The following CHD7 variants were observed in gnomAD, a reference collection of about 807,000 sequenced individuals.
The protein encoded by CHD7 is chromodomain helicase DNA binding protein 7, also known as ATP-dependent chromatin remodeler CHD7.
Under a neutral mutation model 307.3 loss-of-function variants are expected in CHD7, and 24 were observed. That is an observed-to-expected ratio of 0.08 (90% CI 0.06 to 0.11). CHD7 has a LOEUF of 0.11. Among genes scored for constraint, CHD7 ranks in the 10% least tolerant of loss-of-function variants. CHD7 has a pLI of 1.00. For synonymous variants in CHD7, 1,363 were observed against 1,349.9 expected, an observed-to-expected ratio of 1.01 and a Z score of -0.21; for missense variants, 3,106 against 3,727.1, an observed-to-expected ratio of 0.83 and a Z score of 4.34.
At chr8:60,783,582 A>G (rs1476841162) in intron 3 of CHD7, among the ~76,000 whole-genome samples, 1 of 152,190 alleles carries the variant, frequency 6.6e-6, no homozygotes, top group Non-Finnish European at 1.5e-5. Flanking sequence ...TTCTCTGAAA[A>G]AGTGTCTAGT....
rs369015406 is a variant in CHD7 at position 60,764,484 on chromosome 8, G to A, written c.1666-16516G>A. ...TCTTTTTCTGGGTCTCTTTCTAGCAGTACTTTTGTTTGGCAGTGTCTCTGG... is the reference window on the plus strand; with the variant it reads ...TCTTTTTCTGGGTCTCTTTCTAGCAATACTTTTGTTTGGCAGTGTCTCTGG... On this transcript the variant is annotated intron_variant, in intron 2 of 37. Coordinates refer to ENST00000423902, the MANE Select transcript of CHD7 (RefSeq NM_017780.4). Among the ~76,000 whole-genome samples the A allele has an allele frequency of 1.1e-4, 17 of 152,268 alleles. No individual in the cohort carries two copies. In the South Asian group the frequency reaches 3.5e-3, roughly 32 times the overall value.
chr8:60,683,938 T>G (rs1662886550), intron 1 of CHD7, among the ~76,000 whole-genome samples: 1 of 152,056 alleles, frequency 6.6e-6, no homozygotes, highest in Non-Finnish European at 1.5e-5. Flanking sequence ...GATTATCCAT[T>G]TAGGAAAAAT....
At position 60,741,676 on chromosome 8, in the gene CHD7, C is replaced by T. The variant is rs1315959572; in HGVS notation, c.244C>T (p.Leu82=). The T allele has an allele frequency of 1.9e-6, 3 of 1,613,868 alleles. No individual in the cohort carries two copies. Among genetic ancestry groups the T allele is most frequent in the Middle Eastern group, 1.6e-4 (1 of 6,084 alleles). The part of the protein sequence containing the change: ...YNQYEQQKMH[L]MDQPNRMMSN... Reference sequence around the variant, plus strand: ...TCAGTATGAACAACAAAAGATGCATCTGATGGATCAGCCGAACAGAATGAT... The same window carrying T: ...TCAGTATGAACAACAAAAGATGCATTTGATGGATCAGCCGAACAGAATGAT... Residue 82 remains leucine (L), a synonymous_variant, in exon 2 of 38, where the codon CTG becomes TTG. Transcript: ENST00000423902.
intron 15 of CHD7, among the ~76,000 whole-genome samples, chr8:60,833,181 G>C (rs896640182): frequency 2.6e-5 from 4 of 152,156 alleles, no homozygotes; most frequent in Non-Finnish European, 5.9e-5. Flanking sequence ...AATTGGTTGT[G>C]GCAGAGTAAA....
intron 1 of CHD7, among the ~76,000 whole-genome samples, chr8:60,721,485 T>C (rs933960207): frequency 2.0e-5 from 3 of 152,230 alleles, no homozygotes; most frequent in African/African-American, 7.2e-5. Flanking sequence ...CTGTAGAGTT[T>C]GTTATGGAAC....
Position 60,865,690 on chromosome 8 carries a change from G to T in CHD7, c.8751G>T (p.Thr2917=). 1 of 1,605,562 alleles carries T rather than the reference G, an allele frequency of 6.2e-7. No individual in the cohort carries two copies. Among genetic ancestry groups the T allele is most frequent in the Non-Finnish European group, 8.5e-7 (1 of 1,174,350 alleles). The change falls in exon 38 of 38, where the codon ACG becomes ACT. Residue 2917 remains threonine (T), a synonymous_variant. Transcript: ENST00000423902. The surrounding 1 kb of genome is among the most constrained non-coding windows in gnomAD (Gnocchi z 4.3). ...MFLPPGLGGL[T]LPGFPALAGL... ...TACCTCCAGGACTGGGGGGATTGAC[G>T]CTGCCTGGGTTCCCAGCATTGGCAG...
At chr8:60,805,318 A>G (rs1263166583) in intron 6 of CHD7, among the ~76,000 whole-genome samples, 2 of 152,198 alleles carry the variant, frequency 1.3e-5, no homozygotes, top group African/African-American at 4.8e-5. Flanking sequence ...AAACAGCTCT[A>G]TTTATAGTTT....
chr8:60,833,446 G>A (rs891571580), intron 15 of CHD7, among the ~76,000 whole-genome samples: 4 of 152,110 alleles, frequency 2.6e-5, no homozygotes, highest in African/African-American at 4.8e-5. Flanking sequence ...TAGAGGAAGA[G>A]TGGGCAAAAA....
intron 1 of CHD7, among the ~76,000 whole-genome samples, chr8:60,688,312 A>G: frequency 6.9e-6 from 1 of 145,980 alleles, no homozygotes; most frequent in African/African-American, 2.6e-5. Flanking sequence ...TCCAGCTAAC[A>G]TACTTGGTAT....
At position 60,838,252 on chromosome 8, in the gene CHD7, T is replaced by C. The variant is rs766381688; in HGVS notation, c.4530T>C (p.Ala1510=). 1 of 1,601,364 alleles carries C rather than the reference T, an allele frequency of 6.2e-7. No homozygotes were observed. Residue 1510 remains alanine (A), a synonymous_variant, in exon 19 of 38, where the codon GCT becomes GCC. Transcript: ENST00000423902. ...IESEGKGSTF[A]KASFVASGNR... is the part of the protein sequence containing the mutation. ...CAGAAGGGAAAGGTTCCACATTTGC[T>C]AAGGTGTGAATCGATCTAAAGAGGC...
Position 60,820,096 on chromosome 8 carries a change from A to G in CHD7, c.2697+6A>G, listed in dbSNP as rs1449499927. 2 of 1,589,006 alleles carry G rather than the reference A, an allele frequency of 1.3e-6. No individual in the cohort carries two copies. ...GCACAGATGACCGGGGAGAGGTAAC[A>G]GGAGATCATTTGTATTACAAAGTGG... On this transcript the variant is annotated splice_donor_region_variant and intron_variant, in intron 9 of 37. Coordinates refer to ENST00000423902, the MANE Select transcript of CHD7 (RefSeq NM_017780.4).
intron 5 of CHD7, among the ~76,000 whole-genome samples, chr8:60,801,293 G>A (rs947289962): frequency 6.6e-6 from 1 of 152,132 alleles, no homozygotes; most frequent in African/African-American, 2.4e-5. Flanking sequence ...TAGGGACCTA[G>A]GCTGGTCCAC....
chr8:60,801,412 T>G, intron 5 of CHD7, 116 bp from the exon 6 acceptor site: 1 of 724,156 alleles, frequency 1.4e-6, no homozygotes, highest in Non-Finnish European at 2.4e-6. Context: ...CTGATAACTT[T>G]GTACCCAGTG....
chr8:60,802,051 G>A (rs1413791117), intron 6 of CHD7, among the ~76,000 whole-genome samples: 1 of 152,178 alleles, frequency 6.6e-6, no homozygotes, highest in Non-Finnish European at 1.5e-5. Context: ...TTATTCATTA[G>A]TGTCTTTCTT....
At chr8:60,679,785 G>A (rs929472564) in intron 1 of CHD7, 5 of 149,422 alleles carry the variant, frequency 3.3e-5, no homozygotes, top group South Asian at 2.1e-4. Context: ...GACCGCCACC[G>A]AGCGAGGTGG....
intron 1 of CHD7, among the ~76,000 whole-genome samples, chr8:60,725,936 G>C (rs989233072): frequency 6.6e-6 from 1 of 152,106 alleles, no homozygotes; most frequent in Non-Finnish European, 1.5e-5. Context: ...TGGGGAGCAG[G>C]GGGATTTCCT....
intron 1 of CHD7, among the ~76,000 whole-genome samples, chr8:60,715,154 T>G (rs1807526918): frequency 6.6e-6 from 1 of 152,210 alleles, no homozygotes; most frequent in South Asian, 2.1e-4. Flanking sequence ...TGACACTATT[T>G]GCTTCCGGAG....
At chr8:60,696,380 C>CTGTGT (rs1457219177) in intron 1 of CHD7, among the ~76,000 whole-genome samples, 1 of 152,234 alleles carries the variant, frequency 6.6e-6, no homozygotes, top group Non-Finnish European at 1.5e-5. Context: ...GACCGCTTAA[C>CTGTGT]TGTGTGACCT....
intron 18 of CHD7, 43 bp from the exon 19 acceptor site, chr8:60,838,033 A>G (rs1804814965): frequency 7.2e-7 from 1 of 1,395,520 alleles, no homozygotes; most frequent in African/African-American, 1.5e-5. Context: ...AAACCTCTTA[A>G]TTTTAAATTA....
Sources: gnomAD v4.1 joint callset for allele counts (sites outside exome capture counted in the v4.1 genomes callset) on GRCh38, gnomAD v4.1.1 for gene constraint, Gnocchi (gnomAD v3.1) non-coding constraint, MANE v1.5 for transcripts, NCBI Gene and HGNC (gene_info 2026-07-23, HGNC 2026-07-21) for gene names.